Variants in DLG2 observed in about 807,000 individuals in gnomAD.
DLG2 encodes disks large homolog 2.
DLG2 carries 45 observed loss-of-function variants against 132.5 expected under a neutral mutation model. That is an observed-to-expected ratio of 0.34 (90% CI 0.27 to 0.44). DLG2 has a LOEUF of 0.44. Among genes scored for constraint, DLG2 ranks in the 20% least tolerant of loss-of-function variants. The probability of loss-of-function intolerance (pLI) is 1.00; values close to 1 mark genes in which losing one functional copy is unlikely to be tolerated. For synonymous variants in DLG2, 424 were observed against 419.6 expected (o/e 1.01, Z -0.13); for missense variants, 1,045 against 1,196.9 (o/e 0.87, Z 1.87).
intron 6 of DLG2, among the ~76,000 whole-genome samples, chr11:84,654,064 A>G (rs1462155416): frequency 2.0e-5 from 3 of 152,170 alleles, no homozygotes; most frequent in African/African-American, 7.2e-5. Context: ...GTCTTATAAC[A>G]TTAATATTAC....
At chr11:85,030,137 A>G (rs2060886573) in intron 6 of DLG2, among the ~76,000 whole-genome samples, 1 of 152,230 alleles carries the variant, frequency 6.6e-6, no homozygotes, top group African/African-American at 2.4e-5. Flanking sequence ...AAACTCCTTT[A>G]AATTTAATTC....
Position 84,398,267 on chromosome 11 carries a change from A to G in DLG2, c.519+136303T>C, listed in dbSNP as rs150554016. Among the ~76,000 whole-genome samples the G allele has an allele frequency of 2.5e-3, 374 of 152,342 alleles. 1 individual carries two copies. Among genetic ancestry groups the G allele is most frequent in the African/African-American group, 8.4e-3 (349 of 41,586 alleles). On this transcript the variant is annotated intron_variant, in intron 7 of 27. Transcript: ENST00000376104. ...GTGTTATGTCTGAAAGCTCTTAAAA[A>G]GGGAGTGTGTGGACAGCATCAGAGG...
intron 6 of DLG2, among the ~76,000 whole-genome samples, chr11:84,664,044 A>G (rs999853254): frequency 6.6e-5 from 10 of 152,216 alleles, no homozygotes; most frequent in Non-Finnish European, 1.5e-5. Flanking sequence ...AGTTACAGGC[A>G]GAACAACAAC....
intron 6 of DLG2, among the ~76,000 whole-genome samples, chr11:84,710,813 T>C (rs565304027): frequency 1.0e-3 from 154 of 150,884 alleles, no homozygotes; most frequent in South Asian, 3.3e-3. Context: ...CACACACACA[T>C]ACACACACAC....
At chr11:84,835,738 T>G (rs1467538099) in intron 6 of DLG2, among the ~76,000 whole-genome samples, 1 of 151,732 alleles carries the variant, frequency 6.6e-6, no homozygotes, top group South Asian at 2.1e-4. Context: ...ATATACATCA[T>G]AGTCATTTAT....
chr11:84,732,426 T>C (rs1219660654), intron 6 of DLG2, among the ~76,000 whole-genome samples: 1 of 152,032 alleles, frequency 6.6e-6, no homozygotes, highest in Non-Finnish European at 1.5e-5. Context: ...CACCATCACC[T>C]GGTATTGTCA....
chr11:85,041,269 G>A (rs1281469308), intron 6 of DLG2, among the ~76,000 whole-genome samples: 3 of 152,034 alleles, frequency 2.0e-5, no homozygotes, highest in African/African-American at 4.8e-5. Context: ...TTGGGATGTG[G>A]CAACTGATTA....
chr11:85,425,168 T>C (rs1247260346), intron 3 of DLG2, among the ~76,000 whole-genome samples: 6 of 152,186 alleles, frequency 3.9e-5, no homozygotes, highest in Non-Finnish European at 7.3e-5. Context: ...AGATGTTAAT[T>C]TTCTAAGGTT....
intron 3 of DLG2, among the ~76,000 whole-genome samples, chr11:85,311,873 T>A (rs566155408): frequency 6.6e-6 from 1 of 152,036 alleles, no homozygotes; most frequent in South Asian, 2.1e-4. Flanking sequence ...CTAGTCACAC[T>A]CCTTGGTTGG....
intron 3 of DLG2, among the ~76,000 whole-genome samples, chr11:85,533,053 T>A (rs1306302455): frequency 6.6e-6 from 1 of 152,002 alleles, no homozygotes; most frequent in Non-Finnish European, 1.5e-5. Context: ...AGACGGAGTC[T>A]CAGTCTATCA....
intron 3 of DLG2, among the ~76,000 whole-genome samples, chr11:85,398,281 T>A (rs2087622120): frequency 1.3e-5 from 2 of 151,928 alleles, no homozygotes; most frequent in South Asian, 4.1e-4. Flanking sequence ...TTAAAGCAGT[T>A]TGAAGAGGGA....
At chr11:85,247,381 T>C (rs74670688) in intron 4 of DLG2, among the ~76,000 whole-genome samples, 13,969 of 151,988 alleles carry the variant, frequency 0.092, 1,069 homozygotes, top group Non-Finnish European at 0.13. Flanking sequence ...TCATAGACCA[T>C]AGGAATATAC....
At chr11:85,187,177 A>G (rs1429131201) in intron 4 of DLG2, among the ~76,000 whole-genome samples, 1 of 152,146 alleles carries the variant, frequency 6.6e-6, no homozygotes. Flanking sequence ...CCCAGGGGGG[A>G]AATCTATAGA....
intron 7 of DLG2, among the ~76,000 whole-genome samples, chr11:84,414,215 T>C (rs567060787): frequency 5.3e-5 from 8 of 152,302 alleles, no homozygotes; most frequent in African/African-American, 1.9e-4. Context: ...AGTGAGCATA[T>C]CTAAATTAAT....
At chr11:83,480,742 C>T (rs2093036283) in intron 22 of DLG2, 1 of 884,568 alleles carries the variant, frequency 1.1e-6, no homozygotes. Flanking sequence ...ATTTATGTGA[C>T]AATGACTAGT....
intron 6 of DLG2, among the ~76,000 whole-genome samples, chr11:84,859,385 C>CATACATATATATGTATAT (rs1309714534): frequency 7.1e-6 from 1 of 141,640 alleles, no homozygotes; most frequent in South Asian, 2.2e-4. Context: ...CATATATATG[C>CATACATATATATGTATAT]ATACATATAT....
chr11:83,487,525 G>C (rs1479776343), intron 21 of DLG2, among the ~76,000 whole-genome samples: 1 of 151,998 alleles, frequency 6.6e-6, no homozygotes, highest in Non-Finnish European at 1.5e-5. Flanking sequence ...AATTGAATTT[G>C]CAAATATTCC....
intron 7 of DLG2, among the ~76,000 whole-genome samples, chr11:84,326,178 T>C (rs754302709): frequency 2.0e-5 from 3 of 152,076 alleles, no homozygotes; most frequent in Non-Finnish European, 4.4e-5. Context: ...TGTTGATGTT[T>C]TAAAATATGT....
intron 2 of DLG2, among the ~76,000 whole-genome samples, chr11:85,605,944 C>T (rs1181825238): frequency 6.6e-6 from 1 of 151,824 alleles, no homozygotes; most frequent in African/African-American, 2.4e-5. Flanking sequence ...TGCCACTGCA[C>T]TCCAGCATGG....
Sources: gnomAD v4.1 joint callset for allele counts (sites outside exome capture counted in the v4.1 genomes callset) on GRCh38, gnomAD v4.1.1 for gene constraint, MANE v1.5 for transcripts, NCBI Gene and HGNC (gene_info 2026-07-23, HGNC 2026-07-21) for gene names.